AXIN2: variants seen among roughly 807,000 people sequenced by gnomAD.
AXIN2 encodes the protein axin-2.
In AXIN2, 21 loss-of-function variants were observed where a neutral mutation model predicts 74.7. That is an observed-to-expected ratio of 0.28 (90% CI 0.20 to 0.40). The LOEUF is 0.40. Among genes scored for constraint, AXIN2 ranks in the 10% least tolerant of loss-of-function variants. The pLI, the probability that AXIN2 is intolerant of heterozygous loss-of-function variation, is 1.00. For synonymous variants in AXIN2, 532 were observed against 454.9 expected (o/e 1.17, Z -2.16); for missense variants, 1,144 against 1,111.1 (o/e 1.03, Z -0.42).
intron 9 of AXIN2, 95 bp downstream of exon 9, chr17:65,535,530 CA>C (rs1215242999): frequency 7.8e-6 from 10 of 1,277,634 alleles, no homozygotes; most frequent in African/African-American, 2.9e-5. Flanking sequence ...TTTTAAAAAC[CA>C]AAAAAAGTTT....
Position 65,558,193 on chromosome 17 carries a change from C to T in AXIN2, c.428G>A (p.Ser143Asn), listed in dbSNP as rs761849564. The part of the protein sequence containing the change: ...AIYKRYIENN[S>N]IVSKQLKPAT... The stretch of plus-strand genomic sequence containing the variant: ...AGGCTTCAGCTGCTTGGAGACAATG[C>T]TGTTGTTCTCAATGTACCTTTTGTA... Residue 143 changes from serine to asparagine, a missense_variant, in exon 2 of 11, where the codon AGC (serine) becomes AAC (asparagine). Around this residue, in one of 4 missense-constraint regions of AXIN2, gnomAD observed 1,053 missense variants for 973.5 expected, o/e 1.08. Transcript: ENST00000307078. 8.1e-6 allele frequency: 13 copies of T among 1,614,112 alleles called. No homozygotes were observed. The South Asian group carries it at 1.3e-4, about 16-fold the overall frequency.
chr17:65,557,675 G>C (rs1221438126), intron 2 of AXIN2, 131 bp downstream of exon 2: 2 of 896,528 alleles, frequency 2.2e-6, no homozygotes, highest in African/African-American at 1.7e-5. Context: ...AGATCAAAAA[G>C]GGTTCATGGC....
intron 10 of AXIN2, among the ~76,000 whole-genome samples, chr17:65,531,156 G>T (rs2043809038): frequency 6.6e-6 from 1 of 151,102 alleles, no homozygotes; most frequent in Non-Finnish European, 1.5e-5. Flanking sequence ...GCATTTAATT[G>T]TGTCTCAGGG....
intron 3 of AXIN2, among the ~76,000 whole-genome samples, chr17:65,543,412 T>C (rs1020012943): frequency 6.6e-6 from 1 of 152,224 alleles, no homozygotes; most frequent in Non-Finnish European, 1.5e-5. Context: ...TAAGCATGCC[T>C]GGCTTGACCA....
At position 65,537,005 on chromosome 17, in the gene AXIN2, C is replaced by A. The variant is rs754833574; in HGVS notation, c.1771G>T (p.Ala591Ser). Residue 591 changes from alanine to serine, a missense_variant, in exon 7 of 11, where the codon GCC (alanine) becomes TCC (serine). Around this residue, in one of 4 missense-constraint regions of AXIN2, gnomAD observed 1,053 missense variants for 973.5 expected, o/e 1.08. Transcript: ENST00000307078. ...GCCCCTCCTTCCCTGGCGGGCAGGG[C>A]CAGGCCCGGCTCCGTGCCTTTCCCA... is the stretch of plus-strand genomic sequence containing the variant. ...RNGKGTEPGL[A>S]LPAREGGAPG... 1.2e-6 allele frequency: 2 copies of A among 1,611,826 alleles called. No individual in the cohort carries two copies. The highest frequency in any genetic ancestry group is 8.5e-7 in the Non-Finnish European group (1 of 1,179,874).
chr17:65,541,593 C>A (rs188574266), intron 3 of AXIN2, 36 bp from the exon 4 acceptor site: 2 of 1,572,498 alleles, frequency 1.3e-6, no homozygotes, highest in Non-Finnish European at 1.8e-6. Context: ...CACAGGCTTA[C>A]GAGGATGTTT....
In AXIN2 at chr17:65,536,736, G is replaced by A. The variant is rs78211272; in HGVS notation, c.1907+133C>T. On this transcript the variant is annotated intron_variant, in intron 7 of 10. Coordinates refer to ENST00000307078, the MANE Select transcript of AXIN2 (RefSeq NM_004655.4). Reference sequence around the variant, plus strand: ...ATTTTTGTGGTCTGCTCAGTCCAACGTTTAATATTAAGATGGCAGGAGCAA... The same window carrying A: ...ATTTTTGTGGTCTGCTCAGTCCAACATTTAATATTAAGATGGCAGGAGCAA... 9.8e-3 allele frequency: 14,246 copies of A among 1,458,352 alleles called. 123 individuals are homozygous for A. The highest frequency in any genetic ancestry group is 0.021 in the South Asian group (1,819 of 86,854). The allele number at this position is 1,458,352 out of a possible 1,614,324, so 90.3% of individuals were successfully genotyped here.
At chr17:65,542,828 A>G (rs536099884) in intron 3 of AXIN2, among the ~76,000 whole-genome samples, 11 of 152,312 alleles carry the variant, frequency 7.2e-5, no homozygotes, top group Admixed American at 3.3e-4. Context: ...AAATATTGAA[A>G]TTGGGTGTTT....
chr17:65,530,709 A>G (rs1428094211), intron 10 of AXIN2, among the ~76,000 whole-genome samples: 2 of 152,326 alleles, frequency 1.3e-5, no homozygotes. Context: ...AAGCCAGCCC[A>G]GCGCAGCTTC....
At chr17:65,554,601 A>C (rs2044240657) in intron 2 of AXIN2, among the ~76,000 whole-genome samples, 1 of 152,240 alleles carries the variant, frequency 6.6e-6, no homozygotes, top group Non-Finnish European at 1.5e-5. Flanking sequence ...TGATAATTGA[A>C]GCCAAGCTTG....
At position 65,533,483 on chromosome 17, in the gene AXIN2, T is replaced by C. The variant is rs544767482; in HGVS notation, c.2405+429A>G. 3.5e-4 allele frequency among the ~76,000 whole-genome samples: 53 copies of C among 152,204 alleles called. 2 individuals are homozygous for C. The highest frequency in any genetic ancestry group is 2.0e-4 in the Admixed American group (3 of 15,282). On this transcript the variant is annotated intron_variant, in intron 10 of 10. Transcript: ENST00000307078. ...GGGGTCTCTCCTAAACTCAAGCCAGTAGGGCGGCGCTTCCAGACCCTCCCT... is the reference window on the plus strand; with the variant it reads ...GGGGTCTCTCCTAAACTCAAGCCAGCAGGGCGGCGCTTCCAGACCCTCCCT...
intron 2 of AXIN2, among the ~76,000 whole-genome samples, chr17:65,552,373 G>A (rs2044206052): frequency 6.6e-6 from 1 of 152,216 alleles, no homozygotes; most frequent in African/African-American, 2.4e-5. Context: ...TTTAAAACAG[G>A]CCAAAGTGCC....
Position 65,536,495 on chromosome 17 carries a change from G to C in AXIN2, c.1966C>G (p.Arg656Gly), listed in dbSNP as rs121908568. 1 of 1,613,806 alleles carries C rather than the reference G, an allele frequency of 6.2e-7. No homozygotes were observed. Among genetic ancestry groups the C allele is most frequent in the Non-Finnish European group, 8.5e-7 (1 of 1,180,000 alleles). Reference protein sequence around the residue: ...LESARSSPGERASRHHLWGGN... With the variant: ...LESARSSPGEGASRHHLWGGN... ...CCCCACAGATGGTGCCGGCTGGCTC[G>C]TTCGCCTGGAGACGAGCGGGCAGAC... Residue 656 changes from arginine (R) to glycine (G), a missense_variant, in exon 8 of 11, where the codon CGA becomes GGA. Around this residue, in one of 4 missense-constraint regions of AXIN2, gnomAD observed 1,053 missense variants for 973.5 expected, o/e 1.08. Coordinates refer to ENST00000307078, the MANE Select transcript of AXIN2 (RefSeq NM_004655.4).
intron 8 of AXIN2, 63 bp downstream of exon 8, chr17:65,536,257 C>T (rs1323804552): frequency 6.6e-7 from 1 of 1,507,536 alleles, no homozygotes; most frequent in African/African-American, 1.4e-5. Context: ...CCATTAGCCA[C>T]AGACCAGGTC....
Position 65,535,740 on chromosome 17 carries a change from C to G in AXIN2, c.2142-19G>C. 1 of 1,609,184 alleles carries G rather than the reference C, an allele frequency of 6.2e-7. No individual in the cohort carries two copies. The highest frequency in any genetic ancestry group is 8.5e-7 in the Non-Finnish European group (1 of 1,175,698). On this transcript the variant is annotated intron_variant, in intron 8 of 10. Transcript: ENST00000307078. ...ACAGCACCTGAGGACACAGCCAGGG[C>G]GAGGGATTTAGAGGTACACTGTTGT...
intron 1 of AXIN2, 114 bp downstream of exon 1, chr17:65,561,336 G>A (rs1309194882): frequency 7.1e-6 from 1 of 141,198 alleles, no homozygotes; most frequent in Non-Finnish European, 1.6e-5. Flanking sequence ...CCTCCGCCTG[G>A]CCGGGCCCCC....
Position 65,535,380 on chromosome 17 carries a change from C to T in AXIN2, c.2237+246G>A, listed in dbSNP as rs549028425. 1.1e-4 allele frequency among the ~76,000 whole-genome samples: 16 copies of T among 152,318 alleles called. No individual in the cohort carries two copies. In the South Asian group the frequency reaches 3.1e-3, roughly 30 times the overall value. ...AGCTGAATTTGAGGTCCCTTCTACACTTCTGCTAATGGCTTCATGTCCCAG... is the reference window on the plus strand; with the variant it reads ...AGCTGAATTTGAGGTCCCTTCTACATTTCTGCTAATGGCTTCATGTCCCAG... On this transcript the variant is annotated intron_variant, in intron 9 of 10. Transcript: ENST00000307078.
At chr17:65,544,386 C>T (rs1187586033) in intron 3 of AXIN2, among the ~76,000 whole-genome samples, 1 of 146,634 alleles carries the variant, frequency 6.8e-6, no homozygotes, top group Non-Finnish European at 1.5e-5. Flanking sequence ...CCATCCCCCA[C>T]CACCACCACC....
intron 4 of AXIN2, among the ~76,000 whole-genome samples, chr17:65,539,007 T>C (rs531368913): frequency 6.6e-6 from 1 of 152,298 alleles, no homozygotes; most frequent in Admixed American, 6.5e-5. Flanking sequence ...TGCAGGCTAG[T>C]AGCAGAACAC....
Sources: allele counts gnomAD v4.1 joint callset (sites outside exome capture counted in the v4.1 genomes callset), GRCh38; gene constraint gnomAD v4.1.1; regional missense constraint gnomAD v4.1.1; transcripts MANE v1.5; gene names NCBI Gene and HGNC (gene_info 2026-07-23, HGNC 2026-07-21).